Variants in GPLD1 observed in about 807,000 individuals in gnomAD.
GPLD1 encodes the protein glycosylphosphatidylinositol specific phospholipase D1.
A neutral mutation model predicts 112.6 loss-of-function variants in GPLD1; 84 were observed. That is an observed-to-expected ratio of 0.75 (90% CI 0.63 to 0.89). The LOEUF is 0.89. GPLD1 is among the 40% of genes least tolerant of loss of function. GPLD1 has a pLI of 0.00. For synonymous variants in GPLD1, 386 were observed against 403.8 expected, an observed-to-expected ratio of 0.96 and a Z score of 0.53; for missense variants, 1,044 against 1,051.5, an observed-to-expected ratio of 0.99 and a Z score of 0.10.
rs1305861731 is a variant in GPLD1, at chr6:24,462,847, G to A, written c.822-52C>T. Reference sequence around the variant, plus strand: ...CATTTATCTACTTCTTCACAAGCATGAATTTTACCGAGAATCGGTAGTGCG... The same window carrying A: ...CATTTATCTACTTCTTCACAAGCATAAATTTTACCGAGAATCGGTAGTGCG... On this transcript the variant is annotated intron_variant, in intron 10 of 24. Coordinates refer to ENST00000230036, the MANE Select transcript of GPLD1 (RefSeq NM_001503.4). 2.3e-6 allele frequency: 3 copies of A among 1,291,342 alleles called. No individual in the cohort carries two copies. The Admixed American group carries it at 5.0e-5, about 22-fold the overall frequency. 80.0% of individuals were successfully genotyped at this position (1,291,342 alleles called of 1,614,324 possible). A position where few individuals can be genotyped will look rare whatever the true frequency, so the allele number is the denominator to read the frequency against.
intron 22 of GPLD1, chr6:24,435,852 A>C (rs77429216): frequency 2.7e-5 from 4 of 150,290 alleles, no homozygotes; most frequent in Non-Finnish European, 4.4e-5. Flanking sequence ...AAAAAAGTTA[A>C]ATAATGGCCA....
At chr6:24,450,263 G>A (rs1033683650) in intron 14 of GPLD1, among the ~76,000 whole-genome samples, 3 of 152,190 alleles carry the variant, frequency 2.0e-5, no homozygotes, top group Non-Finnish European at 4.4e-5. Context: ...TGTAATCCCA[G>A]CACTTTGGGA....
chr6:24,445,924 C>G (rs371982907), intron 18 of GPLD1, 93 bp from the exon 19 acceptor site: 14 of 846,912 alleles, frequency 1.7e-5, no homozygotes, highest in East Asian at 7.4e-5. Context: ...CACCTCCCCC[C>G]ATCCAGGCCT....
chr6:24,485,848 T>G lies in GPLD1; in HGVS notation c.153+227A>C, dbSNP rs546015870. The stretch of plus-strand genomic sequence containing the variant: ...CCACGCCCGGCTAATTTTGGATTTT[T>G]AGTGGAGATGGGGTTTCTCCATATT... On this transcript the variant is annotated intron_variant, in intron 2 of 24. Coordinates refer to ENST00000230036, the MANE Select transcript of GPLD1 (RefSeq NM_001503.4). Among the ~76,000 whole-genome samples, 38 of 152,116 alleles carry G rather than the reference T, an allele frequency of 2.5e-4. No homozygotes were observed. The South Asian group carries it at 3.7e-3, about 15-fold the overall frequency.
intron 2 of GPLD1, among the ~76,000 whole-genome samples, chr6:24,480,834 C>T (rs918129751): frequency 1.2e-4 from 18 of 152,328 alleles, no homozygotes; most frequent in African/African-American, 4.3e-4. Flanking sequence ...TGTCTCAGCT[C>T]ACAGTCTGAT....
In GPLD1 at chr6:24,475,212, G is replaced by T. The variant is rs753068833; in HGVS notation, c.350C>A (p.Ala117Asp). The part of the protein sequence containing the change: ...PWEKDTEKLV[A>D]FLFGITSHMA... ...GTGAGAAGTAATTCCAAACAAGAAA[G>T]CTACCAGTTTCTCTGTGTCCTGCCA... The change falls in exon 5 of 25, where the codon GCT becomes GAT. Residue 117 changes from alanine (A) to aspartate (D), a missense_variant. Ala to Asp is a moderately radical substitution (Grantham distance 126). Transcript: ENST00000230036. 1.4e-5 allele frequency: 23 copies of T among 1,605,404 alleles called. No homozygotes were observed. The highest frequency in any genetic ancestry group is 2.0e-5 in the Non-Finnish European group (23 of 1,172,214).
downstream of GPLD1, chr6:24,425,609 A>C (rs1762208156): frequency 6.6e-6 from 1 of 152,208 alleles, no homozygotes; most frequent in Non-Finnish European, 1.5e-5. Context: ...CTTGGTTTTA[A>C]ATTTTGAACT....
chr6:24,482,078 T>G (rs1245280512), intron 2 of GPLD1, among the ~76,000 whole-genome samples: 4 of 149,558 alleles, frequency 2.7e-5, no homozygotes, highest in Non-Finnish European at 5.9e-5. Flanking sequence ...ATCCTTCAGA[T>G]ATTAAAATGT....
intron 22 of GPLD1, chr6:24,433,632 A>C (rs1316704135): frequency 2.5e-6 from 1 of 402,958 alleles, no homozygotes; most frequent in East Asian, 4.9e-5. Flanking sequence ...TGATGGAATT[A>C]CAGGCGCCCA....
chr6:24,460,064 A>G (rs577244307), intron 12 of GPLD1, among the ~76,000 whole-genome samples: 14 of 152,000 alleles, frequency 9.2e-5, no homozygotes, highest in Non-Finnish European at 2.1e-4. Flanking sequence ...CACCCAGCTA[A>G]TTTATTTATT....
chr6:24,489,142 C>G (rs927111809), intron 1 of GPLD1, among the ~76,000 whole-genome samples: 2 of 152,212 alleles, frequency 1.3e-5, no homozygotes, highest in African/African-American at 2.4e-5. Flanking sequence ...CACTGAGCCT[C>G]TCACTATTTC....
Position 24,467,254 on chromosome 6 carries a change from A to G in GPLD1, c.566T>C (p.Leu189Pro). 1 of 1,593,644 alleles carries G rather than the reference A, an allele frequency of 6.3e-7. No individual in the cohort carries two copies. Reference protein sequence around the residue: ...ARRWYVPVKDLLGIYEKLYGR... With the variant: ...ARRWYVPVKDPLGIYEKLYGR... Reference sequence around the variant, plus strand: ...ATACAGTTTCTCATAAATTCCCAGTAGATCTTTGACTGGCACATACCTGAA... The same window carrying G: ...ATACAGTTTCTCATAAATTCCCAGTGGATCTTTGACTGGCACATACCTGAA... Residue 189 changes from leucine (L) to proline (P), a missense_variant, in exon 8 of 25, where the codon CTA (leucine) becomes CCA (proline). Physicochemically the swap from Leu to Pro is moderately conservative, Grantham distance 98. Coordinates refer to ENST00000230036, the MANE Select transcript of GPLD1 (RefSeq NM_001503.4).
At chr6:24,482,244 GC>G (rs909028179) in intron 2 of GPLD1, among the ~76,000 whole-genome samples, 3 of 151,500 alleles carry the variant, frequency 2.0e-5, no homozygotes, top group Non-Finnish European at 4.4e-5. Flanking sequence ...GGGATTACAG[GC>G]ACTGGCCTCC....
upstream of GPLD1, among the ~76,000 whole-genome samples, chr6:24,492,257 C>T (rs909659931): frequency 1.3e-4 from 20 of 152,106 alleles, no homozygotes; most frequent in Admixed American, 1.2e-3. Flanking sequence ...GTAATCCCAG[C>T]ACTTTGGGAG....
intron 2 of GPLD1, among the ~76,000 whole-genome samples, chr6:24,483,379 G>C (rs957406864): frequency 8.6e-5 from 13 of 151,432 alleles, no homozygotes; most frequent in Non-Finnish European, 1.5e-4. Flanking sequence ...CAGTGAAATA[G>C]AATAAAGAGT....
Position 24,444,401 on chromosome 6 carries a change from G to GT in GPLD1, c.2020+1144dup, listed in dbSNP as rs1204053259. On this transcript the variant is annotated intron_variant, in intron 20 of 24. Coordinates refer to ENST00000230036, the MANE Select transcript of GPLD1 (RefSeq NM_001503.4). ...GTTTTTAAATATCTGGGTAAGGGGT[G>GT]TTTTTTTTTTCCTTCTATATATTTC... Among the ~76,000 whole-genome samples the GT allele has an allele frequency of 8.9e-4, 130 of 146,710 alleles. 1 individual carries two copies. The highest frequency in any genetic ancestry group is 8.8e-4 in the Admixed American group (13 of 14,712).
intron 7 of GPLD1, among the ~76,000 whole-genome samples, chr6:24,467,912 G>GTT (rs1554132700): frequency 6.8e-6 from 1 of 147,714 alleles, no homozygotes; most frequent in Admixed American, 6.8e-5. Context: ...TCTGTTTTTT[G>GTT]TTTTTTTTTT....
In GPLD1 at chr6:24,426,178, A is replaced by G. The variant is rs1224484925; in HGVS notation, c.*2854T>C. The G allele has an allele frequency of 6.6e-6, 1 of 152,344 alleles. No individual in the cohort carries two copies. Among genetic ancestry groups the G allele is most frequent in the East Asian group, 1.9e-4 (1 of 5,194 alleles). The allele number at this position is 152,344 out of a possible 1,614,324, so 9.4% of individuals were successfully genotyped here. A position where few individuals can be genotyped will look rare whatever the true frequency, so the allele number is the denominator to read the frequency against. Reference sequence around the variant, plus strand: ...CTTCTGATATCTTGAAATAAAGATAAATTTCAGTTAAACTTGTATAAGTTC... The same window carrying G: ...CTTCTGATATCTTGAAATAAAGATAGATTTCAGTTAAACTTGTATAAGTTC... On this transcript the variant is annotated 3_prime_UTR_variant, in exon 25 of 25. Coordinates refer to ENST00000230036, the MANE Select transcript of GPLD1 (RefSeq NM_001503.4).
At chr6:24,431,781 A>G (rs793690) in intron 24 of GPLD1, among the ~76,000 whole-genome samples, 108,600 of 151,836 alleles carry the variant, frequency 0.72, 39,828 homozygotes, top group African/African-American at 0.88. Flanking sequence ...GCGATCCACC[A>G]ACCTCGGCTT....
Sources: gnomAD v4.1 joint callset for allele counts (sites outside exome capture counted in the v4.1 genomes callset) on GRCh38, gnomAD v4.1.1 for gene constraint, MANE v1.5 for transcripts, NCBI Gene and HGNC (gene_info 2026-07-23, HGNC 2026-07-21) for gene names.